The following MYO16 variants were observed in gnomAD, a reference collection of about 807,000 sequenced individuals.
The protein encoded by MYO16 is myosin XVI, also known as unconventional myosin-XVI.
A neutral mutation model predicts 205.3 loss-of-function variants in MYO16; 94 were observed. That is an observed-to-expected ratio of 0.46 (90% CI 0.39 to 0.54). The LOEUF is 0.54. MYO16 is among the 20% of genes least tolerant of loss of function. The probability of loss-of-function intolerance (pLI) is 0.00; values close to 1 mark genes in which losing one functional copy is unlikely to be tolerated. For missense variants in MYO16, 2,315 were observed against 2,387.5 expected, an observed-to-expected ratio of 0.97 and a Z score of 0.63; for synonymous variants, 988 against 954.0, an observed-to-expected ratio of 1.04 and a Z score of -0.66.
intron 10 of MYO16, among the ~76,000 whole-genome samples, chr13:108,854,274 T>G (rs1168726191): frequency 6.6e-6 from 1 of 152,046 alleles, no homozygotes; most frequent in African/African-American, 2.4e-5. Flanking sequence ...GGATTACAGG[T>G]GTAAGCCACC....
rs114386788 is a variant in MYO16, at chr13:108,655,164, G to A, written c.29-10722G>A. On this transcript the variant is annotated intron_variant, in intron 1 of 34. Transcript: ENST00000457511. ...CATGTCATAGGTCTTTATGATAGCCGCTCTCCTCACAGACCCAGAAGCATA... is the reference window on the plus strand; with the variant it reads ...CATGTCATAGGTCTTTATGATAGCCACTCTCCTCACAGACCCAGAAGCATA... 7.1e-3 allele frequency among the ~76,000 whole-genome samples: 1,084 copies of A among 152,292 alleles called. 17 individuals are homozygous for A. The highest frequency in any genetic ancestry group is 0.025 in the African/African-American group (1,024 of 41,574).
At chr13:108,866,648 C>T (rs951935076) in intron 12 of MYO16, among the ~76,000 whole-genome samples, 7 of 152,130 alleles carry the variant, frequency 4.6e-5, no homozygotes, top group Admixed American at 2.0e-4. Flanking sequence ...TGCATGTTTA[C>T]GTTTTCCCAA....
At chr13:108,865,843 G>A (rs575345888) in intron 11 of MYO16, among the ~76,000 whole-genome samples, 42 of 151,772 alleles carry the variant, frequency 2.8e-4, no homozygotes, top group African/African-American at 9.7e-4. Context: ...CTTTTTCGTA[G>A]GCATTTTGTC....
chr13:108,548,173 G>C, the MYO16 span, among the ~76,000 whole-genome samples: 1 of 151,650 alleles, frequency 6.6e-6, no homozygotes, highest in Non-Finnish European at 1.5e-5. Flanking sequence ...GTTTACAAGT[G>C]TACCATGGTG....
At chr13:108,770,857 C>G (rs1275097630) in intron 4 of MYO16, among the ~76,000 whole-genome samples, 2 of 152,134 alleles carry the variant, frequency 1.3e-5, no homozygotes, top group Non-Finnish European at 2.9e-5. Flanking sequence ...GACAACAAGT[C>G]TAGGTCATCC....
chr13:108,546,226 G>A, the MYO16 span, among the ~76,000 whole-genome samples: 7 of 152,132 alleles, frequency 4.6e-5, no homozygotes, highest in African/African-American at 7.2e-5. Context: ...TTCCAGAGAC[G>A]TCAATAGCTG....
At chr13:108,946,801 G>A (rs1358986185) in intron 16 of MYO16, among the ~76,000 whole-genome samples, 1 of 151,938 alleles carries the variant, frequency 6.6e-6, no homozygotes, top group Admixed American at 6.6e-5. Flanking sequence ...GAGTGCAGTG[G>A]CAGGATCACA....
chr13:108,895,656 C>A (rs1880378009), intron 14 of MYO16, among the ~76,000 whole-genome samples: 1 of 152,294 alleles, frequency 6.6e-6, no homozygotes, highest in African/African-American at 2.4e-5. Context: ...GGGTTCAACT[C>A]CCAGCTTCAT....
intron 32 of MYO16, among the ~76,000 whole-genome samples, chr13:109,159,541 C>T (rs1878263016): frequency 1.3e-5 from 2 of 152,224 alleles, no homozygotes; most frequent in African/African-American, 2.4e-5. Context: ...GTGAGCCGGG[C>T]TCTATTCTAG....
At chr13:108,577,482 C>T in the MYO16 span, among the ~76,000 whole-genome samples, 63 of 152,290 alleles carry the variant, frequency 4.1e-4, no homozygotes, top group African/African-American at 1.5e-3. Flanking sequence ...TTCCTGACTT[C>T]ATGGCTTTAA....
chr13:109,153,560 A>G (rs1302521735), intron 32 of MYO16, among the ~76,000 whole-genome samples: 1 of 152,130 alleles, frequency 6.6e-6, no homozygotes, highest in Non-Finnish European at 1.5e-5. Context: ...GGAGTTTGTG[A>G]TCAGCCTGGC....
At chr13:108,930,209 A>G (rs1297047209) in intron 16 of MYO16, among the ~76,000 whole-genome samples, 3 of 152,216 alleles carry the variant, frequency 2.0e-5, no homozygotes, top group African/African-American at 4.8e-5. Flanking sequence ...TTTATTTGTA[A>G]AAAGCAAAAC....
At chr13:108,610,580 G>T (rs1272538067) in intron 1 of MYO16, among the ~76,000 whole-genome samples, 1 of 152,152 alleles carries the variant, frequency 6.6e-6, no homozygotes, top group East Asian at 1.9e-4. Flanking sequence ...TGCATGCATA[G>T]GTGCTGATGG....
At chr13:108,589,137 A>G in the MYO16 span, among the ~76,000 whole-genome samples, 334 of 152,322 alleles carry the variant, frequency 2.2e-3, 2 homozygotes, top group African/African-American at 7.5e-3. Flanking sequence ...GTCTCTGCTT[A>G]CACTTGTTGT....
intron 4 of MYO16, among the ~76,000 whole-genome samples, chr13:108,778,398 C>T (rs1214591851): frequency 6.6e-6 from 1 of 152,144 alleles, no homozygotes; most frequent in Non-Finnish European, 1.5e-5. Context: ...GCAAGTGGAT[C>T]ACTTGAGGTC....
At chr13:109,069,138 C>G (rs572485133) in intron 27 of MYO16, among the ~76,000 whole-genome samples, 1 of 152,292 alleles carries the variant, frequency 6.6e-6, no homozygotes, top group African/African-American at 2.4e-5. Flanking sequence ...CGATATCCCT[C>G]CATATTTGAC....
chr13:108,630,225 T>C (rs545275846), intron 1 of MYO16, among the ~76,000 whole-genome samples: 3 of 152,116 alleles, frequency 2.0e-5, no homozygotes, highest in African/African-American at 4.8e-5. Flanking sequence ...ATAAAGTACA[T>C]AAAAACTAAG....
rs143554162 is a variant in MYO16 at position 108,823,183 on chromosome 13, A to T, written c.1002A>T (p.Glu334Asp). 1 of 1,613,166 alleles carries T rather than the reference A, an allele frequency of 6.2e-7. No homozygotes were observed. Among genetic ancestry groups the T allele is most frequent in the Non-Finnish European group, 8.5e-7 (1 of 1,179,516 alleles). ...TGCTGAAAGCCGAAATTGCCTGGGA[A>T]GAAAAAATGAAAGAGCCTTTATCTG... ...EMLLKAEIAW[E>D]EKMKEPLSAS... The change falls in exon 9 of 35, where the codon GAA (glutamate) becomes GAT (aspartate). Residue 334 changes from glutamate to aspartate, a missense_variant. Glu to Asp is a conservative substitution (Grantham distance 45, BLOSUM62 2). Transcript: ENST00000457511.
At chr13:108,540,635 A>G in the MYO16 span, among the ~76,000 whole-genome samples, 3 of 152,136 alleles carry the variant, frequency 2.0e-5, no homozygotes, top group Non-Finnish European at 4.4e-5. Flanking sequence ...AAAATAAACA[A>G]ATAATATGAA....
Sources: gnomAD v4.1 joint callset for allele counts (sites outside exome capture counted in the v4.1 genomes callset) on GRCh38, gnomAD v4.1.1 for gene constraint, MANE v1.5 for transcripts, NCBI Gene and HGNC (gene_info 2026-07-23, HGNC 2026-07-21) for gene names.